Variants in COLEC12 observed in about 807,000 individuals in gnomAD.
COLEC12 encodes collectin-12.
Under a neutral mutation model 71.1 loss-of-function variants are expected in COLEC12, and 33 were observed. That is an observed-to-expected ratio of 0.46 (90% confidence interval 0.35 to 0.62). The LOEUF is 0.62. COLEC12 is among the 20% of genes least tolerant of loss of function. COLEC12 has a pLI of 0.00. For missense variants in COLEC12, 765 were observed against 916.1 expected, an observed-to-expected ratio of 0.84 and a Z score of 2.13; for synonymous variants, 350 against 353.0, an observed-to-expected ratio of 0.99 and a Z score of 0.10.
intron 2 of COLEC12, among the ~76,000 whole-genome samples, chr18:374,912 G>T (rs941696025): frequency 2.0e-5 from 3 of 152,212 alleles, no homozygotes; most frequent in Non-Finnish European, 4.4e-5. Context: ...CCACCCAAAA[G>T]GAGGGAGGAG....
chr18:488,347 G>A (rs1268083834), intron 1 of COLEC12, among the ~76,000 whole-genome samples: 1 of 152,076 alleles, frequency 6.6e-6, no homozygotes, highest in Non-Finnish European at 1.5e-5. Context: ...GGAGGCGGAA[G>A]TTGCAGTGAT....
At position 425,908 on chromosome 18, in the gene COLEC12, A is replaced by G. The variant is rs115143402; in HGVS notation, c.58+54799T>C. On this transcript the variant is annotated intron_variant, in intron 2 of 9. Coordinates refer to ENST00000400256, the MANE Select transcript of COLEC12 (RefSeq NM_130386.3). ...ACCCCAAGCTAAGCCGAGAGCCATA[A>G]CATAATCACATCTCATCTTGGTATA... Among the ~76,000 whole-genome samples the G allele has an allele frequency of 7.6e-3, 1,150 of 152,304 alleles. 20 individuals are homozygous for G. The highest frequency in any genetic ancestry group is 0.027 in the African/African-American group (1,102 of 41,556).
At chr18:449,720 G>A (rs1379672532) in intron 2 of COLEC12, among the ~76,000 whole-genome samples, 2 of 152,206 alleles carry the variant, frequency 1.3e-5, no homozygotes, top group Non-Finnish European at 2.9e-5. Flanking sequence ...TACAGCCAAT[G>A]ACTGATCATG....
chr18:354,813 G>A (rs572341105), intron 3 of COLEC12, among the ~76,000 whole-genome samples: 4 of 152,150 alleles, frequency 2.6e-5, no homozygotes, highest in Non-Finnish European at 5.9e-5. Flanking sequence ...GAAAAGAGGG[G>A]CAAGACATCA....
In COLEC12 at chr18:448,294, G is replaced by A. The variant is rs187650715; in HGVS notation, c.58+32413C>T. The stretch of plus-strand genomic sequence containing the variant: ...TAAAACATGACTCTGGCAAACGAGC[G>A]TTCGCTAAAGTCTGATCCTGTAATC... On this transcript the variant is annotated intron_variant, in intron 2 of 9. Coordinates refer to ENST00000400256, the MANE Select transcript of COLEC12 (RefSeq NM_130386.3). 1.3e-3 allele frequency among the ~76,000 whole-genome samples: 192 copies of A among 152,296 alleles called. 2 individuals are homozygous for A. Among genetic ancestry groups the A allele is most frequent in the African/African-American group, 4.5e-3 (186 of 41,562 alleles).
At position 317,430 on chromosome 18, in the gene COLEC12, G is replaced by A. The variant is rs1293493107; in HGVS notation, c.*2615C>T. 6.6e-6 allele frequency: 1 copy of A among 152,178 alleles called. No individual in the cohort carries two copies. The highest frequency in any genetic ancestry group is 1.5e-5 in the Non-Finnish European group (1 of 68,064). 9.4% of individuals were successfully genotyped at this position (152,178 alleles called of 1,614,324 possible). ...ACTACTCAGTAATGGAGTGACCCAG[G>A]AAACCGCATCACCTCCCCAAGCCCC... On this transcript the variant is annotated 3_prime_UTR_variant, in exon 10 of 10. Transcript: ENST00000400256.
chr18:490,365 C>T (rs1370442264), intron 1 of COLEC12, among the ~76,000 whole-genome samples: 4 of 152,114 alleles, frequency 2.6e-5, no homozygotes, highest in Admixed American at 1.3e-4. Context: ...TACAGGGTTT[C>T]GGGATGGTTT....
At chr18:404,667 C>T (rs1915751421) in intron 2 of COLEC12, among the ~76,000 whole-genome samples, 1 of 152,144 alleles carries the variant, frequency 6.6e-6, no homozygotes, top group African/African-American at 2.4e-5. Context: ...ATTTCTTATG[C>T]CTGTCTTTAC....
chr18:498,001 T>C (rs1917744411), intron 1 of COLEC12, among the ~76,000 whole-genome samples: 1 of 152,202 alleles, frequency 6.6e-6, no homozygotes, highest in Non-Finnish European at 1.5e-5. Flanking sequence ...ATTCACTTTT[T>C]TTTCCAGTCA....
chr18:500,115 G>A lies in COLEC12; in HGVS notation c.7+393C>T, dbSNP rs957639180. ...AAACGGCTAGAGGCGGGAGGAGAGAGGACTGGGCGAGCGTGGGGAGCGCTG... is the reference window on the plus strand; with the variant it reads ...AAACGGCTAGAGGCGGGAGGAGAGAAGACTGGGCGAGCGTGGGGAGCGCTG... On this transcript the variant is annotated intron_variant, in intron 1 of 9. Coordinates refer to ENST00000400256, the MANE Select transcript of COLEC12 (RefSeq NM_130386.3). This position sits in a 1 kb window ranked among gnomAD's most constrained non-coding sequence, Gnocchi z 5.3. Among the ~76,000 whole-genome samples the A allele has an allele frequency of 2.6e-5, 4 of 152,252 alleles. No individual in the cohort carries two copies. Among genetic ancestry groups the A allele is most frequent in the African/African-American group, 4.8e-5 (2 of 41,472 alleles).
intron 2 of COLEC12, among the ~76,000 whole-genome samples, chr18:436,795 C>T (rs529795247): frequency 8.5e-5 from 13 of 152,154 alleles, no homozygotes; most frequent in African/African-American, 2.9e-4. Context: ...CTTTCCTCTA[C>T]CACCAGCTGC....
At chr18:379,361 A>G (rs1209059472) in intron 2 of COLEC12, among the ~76,000 whole-genome samples, 1 of 152,050 alleles carries the variant, frequency 6.6e-6, no homozygotes, top group Non-Finnish European at 1.5e-5. Flanking sequence ...TCCTAGACTC[A>G]AGCAATCCTC....
chr18:401,878 C>T (rs980085908), intron 2 of COLEC12, among the ~76,000 whole-genome samples: 4 of 152,090 alleles, frequency 2.6e-5, no homozygotes, highest in African/African-American at 4.8e-5. Context: ...TGAAACTTGG[C>T]GGACCTGAGA....
At chr18:492,389 T>C (rs1400711836) in intron 1 of COLEC12, among the ~76,000 whole-genome samples, 3 of 152,306 alleles carry the variant, frequency 2.0e-5, no homozygotes, top group African/African-American at 7.2e-5. Context: ...TACCCCTAAG[T>C]TGGCAGTGGG....
chr18:464,818 G>C (rs1377351738), intron 2 of COLEC12, among the ~76,000 whole-genome samples: 16 of 152,196 alleles, frequency 1.1e-4, no homozygotes, highest in Non-Finnish European at 1.5e-4. Flanking sequence ...CAAGACTCAG[G>C]CAAATGAAAA....
chr18:438,009 T>C (rs1265351230), intron 2 of COLEC12, among the ~76,000 whole-genome samples: 1 of 152,240 alleles, frequency 6.6e-6, no homozygotes, highest in African/African-American at 2.4e-5. Context: ...TTATAGTCAA[T>C]TATAATTCAG....
intron 2 of COLEC12, among the ~76,000 whole-genome samples, chr18:444,679 A>G (rs148067951): frequency 1.1e-3 from 169 of 152,306 alleles, no homozygotes; most frequent in African/African-American, 3.9e-3. Flanking sequence ...ATAGGTTAAA[A>G]TATAGGCGCG....
intron 2 of COLEC12, among the ~76,000 whole-genome samples, chr18:455,278 C>CTTTT (rs33915278): frequency 7.5e-6 from 1 of 132,482 alleles, no homozygotes; most frequent in Non-Finnish European, 1.6e-5. Context: ...TTATTTTACG[C>CTTTT]TTTTTTTTTT....
chr18:373,600 A>C (rs1477693244), intron 2 of COLEC12, among the ~76,000 whole-genome samples: 1 of 152,194 alleles, frequency 6.6e-6, no homozygotes, highest in Non-Finnish European at 1.5e-5. Context: ...GGGATCAGTC[A>C]TTCCTAACAA....
Sources: gnomAD v4.1 joint callset for allele counts (sites outside exome capture counted in the v4.1 genomes callset) on GRCh38, gnomAD v4.1.1 for gene constraint, Gnocchi (gnomAD v3.1) non-coding constraint, MANE v1.5 for transcripts, NCBI Gene and HGNC (gene_info 2026-07-23, HGNC 2026-07-21) for gene names.